NSD1: variants seen among roughly 807,000 people sequenced by gnomAD.
NSD1 encodes histone-lysine N-methyltransferase, H3 lysine-36 specific.
Under a neutral mutation model 242.7 loss-of-function variants are expected in NSD1, and 26 were observed. The ratio of observed to expected loss-of-function variants is 0.11; its 90% CI spans 0.08 to 0.15. The LOEUF (loss-of-function observed/expected upper bound fraction) is 0.15, where lower values mean the gene tolerates loss of function less well. NSD1 is among the 10% of genes least tolerant of loss of function. The pLI is 1.00. For synonymous variants in NSD1, 1,106 were observed against 1,178.1 expected (o/e 0.94, Z 1.25); for missense variants, 2,495 against 3,272.8 (o/e 0.76, Z 5.80).
intron 3 of NSD1, among the ~76,000 whole-genome samples, chr5:177,192,920 A>G (rs1004113478): frequency 2.6e-5 from 4 of 152,234 alleles, no homozygotes; most frequent in Admixed American, 6.5e-5. Flanking sequence ...ACCTTTTAGT[A>G]TATTTACGTA....
At chr5:177,187,740 G>A (rs1486215487) in intron 2 of NSD1, among the ~76,000 whole-genome samples, 4 of 152,106 alleles carry the variant, frequency 2.6e-5, no homozygotes, top group Non-Finnish European at 5.9e-5. Flanking sequence ...ATTTGTGCCT[G>A]TCTTTGTTTC....
At chr5:177,265,976 A>G (rs1757409340) in intron 14 of NSD1, 4 of 1,089,706 alleles carry the variant, frequency 3.7e-6, no homozygotes, top group South Asian at 1.3e-5. Context: ...GAGGTCCACC[A>G]CATCCACTAG....
Position 177,295,879 on chromosome 5 carries a change from T to A in NSD1, c.*420T>A. On this transcript the variant is annotated 3_prime_UTR_variant, in exon 23 of 23. Transcript: ENST00000439151. This position sits in a 1 kb window ranked among gnomAD's most constrained non-coding sequence, Gnocchi z 4.3. ...AGGAACCCTTGGGAGGAAATGGTGT[T>A]CTTTCAAATCAGTGGCGATTTCCTG... 1 of 376,914 alleles carries A rather than the reference T, an allele frequency of 2.7e-6. No individual in the cohort carries two copies. The highest frequency in any genetic ancestry group is 3.4e-5 in the South Asian group (1 of 29,816). The allele number at this position is 376,914 out of a possible 1,614,324, so 23.3% of individuals were successfully genotyped here.
At chr5:177,164,149 C>T (rs1160617030) in intron 2 of NSD1, among the ~76,000 whole-genome samples, 1 of 138,392 alleles carries the variant, frequency 7.2e-6, no homozygotes, top group Non-Finnish European at 1.5e-5. Context: ...AAAATGTAAC[C>T]TTTTTTTTTT....
chr5:177,288,760 A>G, intron 20 of NSD1, 59 bp from the exon 21 acceptor site: 1 of 1,238,634 alleles, frequency 8.1e-7, no homozygotes, highest in Non-Finnish European at 1.2e-6. Context: ...TTTGTAATTA[A>G]TACAGAAATA....
intron 2 of NSD1, 55 bp downstream of exon 2, chr5:177,136,085 A>C: frequency 7.0e-7 from 1 of 1,427,506 alleles, no homozygotes; most frequent in Admixed American, 1.7e-5. Flanking sequence ...TATACAGGCC[A>C]CTTAAAGGGA....
intron 2 of NSD1, among the ~76,000 whole-genome samples, chr5:177,157,173 G>A (rs1484397229): frequency 6.6e-6 from 1 of 152,068 alleles, no homozygotes; most frequent in East Asian, 1.9e-4. Context: ...TTTGAGACCA[G>A]CCTGACCAAC....
At chr5:177,258,200 G>T (rs188533004) in intron 13 of NSD1, among the ~76,000 whole-genome samples, 2,736 of 150,496 alleles carry the variant, frequency 0.018, 43 homozygotes, top group Non-Finnish European at 0.03. Flanking sequence ...GGCTGGTCTT[G>T]AACTCCCGAC....
chr5:177,240,326 C>A (rs10063803), intron 8 of NSD1, among the ~76,000 whole-genome samples: 109,087 of 151,784 alleles, frequency 0.72, 40,485 homozygotes, highest in Middle Eastern at 0.85. Context: ...GCCTCCCAGG[C>A]TCACCAGTTA....
chr5:177,164,401 C>T (rs1759010968), intron 2 of NSD1, among the ~76,000 whole-genome samples: 1 of 152,012 alleles, frequency 6.6e-6, no homozygotes, highest in African/African-American at 2.4e-5. Context: ...AGGTGATCCG[C>T]CTGCCTCGGC....
chr5:177,176,338 C>G (rs2149803896), intron 2 of NSD1, among the ~76,000 whole-genome samples: 1 of 151,930 alleles, frequency 6.6e-6, no homozygotes, highest in East Asian at 1.9e-4. Flanking sequence ...CGGCTCACTG[C>G]AACATCCACC....
At chr5:177,288,225 T>C (rs1759491185) in intron 20 of NSD1, among the ~76,000 whole-genome samples, 1 of 152,244 alleles carries the variant, frequency 6.6e-6, no homozygotes, top group Non-Finnish European at 1.5e-5. Flanking sequence ...TTTTAAAGTT[T>C]ACACGTTACT....
intron 2 of NSD1, among the ~76,000 whole-genome samples, chr5:177,174,419 G>T (rs1760003438): frequency 1.3e-5 from 2 of 152,054 alleles, no homozygotes; most frequent in African/African-American, 4.8e-5. Context: ...CGCCATGTTG[G>T]CCAGGCTGGT....
At chr5:177,188,593 G>C (rs1282583889) in intron 2 of NSD1, among the ~76,000 whole-genome samples, 1 of 152,094 alleles carries the variant, frequency 6.6e-6, no homozygotes, top group Non-Finnish European at 1.5e-5. Context: ...CTTCAGCCTA[G>C]TTTATAATGG....
At position 177,259,992 on chromosome 5, in the gene NSD1, G is replaced by A. The variant is rs1756860552; in HGVS notation, c.4970G>A (p.Arg1657Gln). 2 of 1,613,930 alleles carry A rather than the reference G, an allele frequency of 1.2e-6. No homozygotes were observed. The highest frequency in any genetic ancestry group is 1.7e-6 in the Non-Finnish European group (2 of 1,179,990). ...GTCCCTGATTTTCCTGCTTTAGGTC[G>A]GTTGATGCGCTGTGTCCGCTGTCCT... Reference protein sequence around the residue: ...NPANVSASKGRLMRCVRCPVA... With the variant: ...NPANVSASKGQLMRCVRCPVA... The change falls in exon 14 of 23, where the codon CGG (arginine) becomes CAG (glutamine). Residue 1657 changes from arginine (R) to glutamine (Q), a missense_variant. Arg to Gln is a conservative substitution (Grantham distance 43). Around this residue, in one of 19 missense-constraint regions of NSD1, gnomAD observed 31 missense variants for 120.2 expected, o/e 0.26. Transcript: ENST00000439151.
chr5:177,209,711 A>G lies in NSD1; in HGVS notation c.1312A>G (p.Lys438Glu). ...AEQYDVPKGS[K>E]NRKCIPGSIK... is the part of the protein sequence containing the mutation. ...ACAGTATGATGTTCCCAAGGGGTCA[A>G]AGAACCGAAAATGTATTCCTGGTTC... Residue 438 changes from lysine to glutamate, a missense_variant, in exon 5 of 23, where the codon AAG becomes GAG. Lys to Glu is a moderately conservative substitution (Grantham distance 56, BLOSUM62 1). Around this residue, in one of 19 missense-constraint regions of NSD1, gnomAD observed 515 missense variants for 467.0 expected, o/e 1.10. Coordinates refer to ENST00000439151, the MANE Select transcript of NSD1 (RefSeq NM_022455.5). 1.2e-6 allele frequency: 2 copies of G among 1,614,128 alleles called. No homozygotes were observed. The highest frequency in any genetic ancestry group is 1.7e-6 in the Non-Finnish European group (2 of 1,179,972).
chr5:177,230,130 T>G (rs571819897), intron 5 of NSD1, among the ~76,000 whole-genome samples: 32 of 152,108 alleles, frequency 2.1e-4, no homozygotes, highest in Admixed American at 9.8e-4. Flanking sequence ...TATTTTTATT[T>G]TTTATTTTTT....
At chr5:177,216,306 T>G (rs894909956) in intron 5 of NSD1, among the ~76,000 whole-genome samples, 1 of 152,220 alleles carries the variant, frequency 6.6e-6, no homozygotes, top group African/African-American at 2.4e-5. Context: ...CTGTTGACTG[T>G]TTTCTTTGCT....
intron 19 of NSD1, 101 bp downstream of exon 19, chr5:177,282,682 G>A (rs752927421): frequency 1.4e-5 from 13 of 925,406 alleles, no homozygotes; most frequent in Non-Finnish European, 2.2e-5. Context: ...CCAAGGTAGG[G>A]TCTTTTCCCA....
Sources: allele counts gnomAD v4.1 joint callset (sites outside exome capture counted in the v4.1 genomes callset), GRCh38; gene constraint gnomAD v4.1.1; regional missense constraint gnomAD v4.1.1; non-coding constraint Gnocchi (gnomAD v3.1); transcripts MANE v1.5; gene names NCBI Gene and HGNC (gene_info 2026-07-23, HGNC 2026-07-21).